AGMO: variants seen among roughly 807,000 people sequenced by gnomAD.
AGMO encodes glyceryl-ether monooxygenase.
A neutral mutation model predicts 60.2 loss-of-function variants in AGMO; 75 were observed. The ratio of observed to expected loss-of-function variants is 1.25; its 90% CI spans 1.03 to 1.51. The LOEUF is 1.51. AGMO is among the 40% of genes most tolerant of loss of function. The pLI, the probability that AGMO is intolerant of heterozygous loss-of-function variation, is 0.00. For missense variants in AGMO, 763 were observed against 525.5 expected (o/e 1.45, Z -4.42); for synonymous variants, 261 against 177.1 (o/e 1.47, Z -3.76).
Position 15,340,480 on chromosome 7 carries a change from C to T in AGMO, c.1263+25034G>A, listed in dbSNP as rs13242395. 1.2e-3 allele frequency among the ~76,000 whole-genome samples: 185 copies of T among 152,206 alleles called. No homozygotes were observed. In the Middle Eastern group the frequency reaches 0.02, roughly 17 times the overall value. ...ACTCCTGTCACAGGCCAGGAGGCCTCGGGGGGAACAATGGTTTCCTGGGCT... is the reference window on the plus strand; with the variant it reads ...ACTCCTGTCACAGGCCAGGAGGCCTTGGGGGGAACAATGGTTTCCTGGGCT... On this transcript the variant is annotated intron_variant, in intron 12 of 12. Coordinates refer to ENST00000342526, the MANE Select transcript of AGMO (RefSeq NM_001004320.2).
the AGMO span, among the ~76,000 whole-genome samples, chr7:15,138,500 A>G: frequency 1.3e-5 from 2 of 152,214 alleles, no homozygotes; most frequent in African/African-American, 2.4e-5. Flanking sequence ...GTTTAGTGAT[A>G]TAAAATAAGA....
At chr7:15,186,698 C>T in the AGMO span, among the ~76,000 whole-genome samples, 3 of 152,110 alleles carry the variant, frequency 2.0e-5, no homozygotes, top group Admixed American at 2.0e-4. Flanking sequence ...TCTTATATAA[C>T]CCAAAAGGTA....
intron 12 of AGMO, among the ~76,000 whole-genome samples, chr7:15,293,064 T>C (rs1784319033): frequency 1.3e-5 from 2 of 152,058 alleles, no homozygotes; most frequent in African/African-American, 4.8e-5. Context: ...CATCCGGCTC[T>C]TCCTCCAGTT....
At chr7:15,327,191 T>A (rs6972963) in intron 12 of AGMO, among the ~76,000 whole-genome samples, 1 of 152,004 alleles carries the variant, frequency 6.6e-6, no homozygotes, top group African/African-American at 2.4e-5. Context: ...TGCTGTTCTT[T>A]GGAAGAAATG....
intron 12 of AGMO, among the ~76,000 whole-genome samples, chr7:15,364,584 G>A (rs927414735): frequency 6.6e-6 from 1 of 151,904 alleles, no homozygotes; most frequent in African/African-American, 2.4e-5. Flanking sequence ...GAATAATATT[G>A]CATATACACC....
chr7:15,157,618 C>A, the AGMO span, among the ~76,000 whole-genome samples: 5 of 152,142 alleles, frequency 3.3e-5, no homozygotes, highest in African/African-American at 1.2e-4. Context: ...AGACTTATCC[C>A]AACTCATCTT....
chr7:15,397,244 C>T (rs551720115), intron 5 of AGMO, among the ~76,000 whole-genome samples: 15 of 152,216 alleles, frequency 9.9e-5, no homozygotes, highest in Middle Eastern at 3.4e-3. Flanking sequence ...CGGCGGTCCG[C>T]GCATGGTACC....
At chr7:15,168,425 C>A in the AGMO span, among the ~76,000 whole-genome samples, 1 of 152,210 alleles carries the variant, frequency 6.6e-6, no homozygotes, top group Non-Finnish European at 1.5e-5. Context: ...TCATGAGGCC[C>A]TAAGCTCACA....
chr7:15,229,732 TA>T (rs1205786117), intron 12 of AGMO, among the ~76,000 whole-genome samples: 9 of 146,534 alleles, frequency 6.1e-5, no homozygotes, highest in Admixed American at 5.5e-4. Context: ...ATATAAATTA[TA>T]TATTATAATA....
chr7:15,176,145 CTTAAT>C, the AGMO span, among the ~76,000 whole-genome samples: 2 of 151,938 alleles, frequency 1.3e-5, no homozygotes, highest in East Asian at 1.9e-4. Context: ...AAGATTTATA[CTTAAT>C]TTATCAAAAG....
intron 3 of AGMO, among the ~76,000 whole-genome samples, chr7:15,531,471 ATAT>A (rs1347190277): frequency 1.6e-5 from 1 of 60,676 alleles, no homozygotes; most frequent in Non-Finnish European, 2.8e-5. Flanking sequence ...TATTCTATAT[ATAT>A]TCTCTATATA....
intron 10 of AGMO, among the ~76,000 whole-genome samples, chr7:15,380,973 T>G (rs1389586753): frequency 6.6e-6 from 1 of 152,184 alleles, no homozygotes; most frequent in Admixed American, 6.5e-5. Context: ...GATAACTGCC[T>G]AGCCATATGC....
chr7:15,254,589 A>G (rs182744577), intron 12 of AGMO, among the ~76,000 whole-genome samples: 84 of 152,290 alleles, frequency 5.5e-4, no homozygotes, highest in African/African-American at 1.0e-3. Flanking sequence ...TTATTTTGCA[A>G]TTGAGATGCT....
intron 12 of AGMO, among the ~76,000 whole-genome samples, chr7:15,300,166 G>C (rs1282672645): frequency 6.6e-6 from 1 of 152,098 alleles, no homozygotes; most frequent in African/African-American, 2.4e-5. Context: ...AGCTAGGATT[G>C]GAACAAAGAG....
chr7:15,502,885 T>C (rs1583621214), intron 3 of AGMO, among the ~76,000 whole-genome samples: 1 of 152,144 alleles, frequency 6.6e-6, no homozygotes, highest in East Asian at 1.9e-4. Context: ...TGCAGTTCCA[T>C]CCTGTTTTAG....
Position 15,366,223 on chromosome 7 carries a change from C to T in AGMO, c.1075-1G>A. ...GAAGGAGAGTAACTTGCGACAGTGC[C>T]TGTCAAACAAACACGGAGATCAATG... On this transcript the variant is annotated splice_acceptor_variant, in intron 10 of 12. Transcript: ENST00000342526. LOFTEE classifies it high-confidence loss of function. The T allele has an allele frequency of 5.0e-6, 8 of 1,600,508 alleles. No individual in the cohort carries two copies. Among genetic ancestry groups the T allele is most frequent in the Non-Finnish European group, 6.8e-6 (8 of 1,172,464 alleles).
At chr7:15,448,382 G>A (rs565741779) in intron 3 of AGMO, among the ~76,000 whole-genome samples, 60 of 152,276 alleles carry the variant, frequency 3.9e-4, no homozygotes, top group African/African-American at 1.3e-3. Context: ...ACCAGGAAGT[G>A]GGCCCTTACT....
chr7:15,371,227 T>C (rs1225886464), intron 10 of AGMO, among the ~76,000 whole-genome samples: 1 of 151,896 alleles, frequency 6.6e-6, no homozygotes, highest in African/African-American at 2.4e-5. Flanking sequence ...CAATGTTTTA[T>C]TTTATTTTTG....
At chr7:15,230,338 G>A (rs999348574) in intron 12 of AGMO, among the ~76,000 whole-genome samples, 1 of 151,724 alleles carries the variant, frequency 6.6e-6, no homozygotes, top group Non-Finnish European at 1.5e-5. Flanking sequence ...CAAAATTTAA[G>A]GTAAAAAAAA....
Sources: gnomAD v4.1 joint callset for allele counts (sites outside exome capture counted in the v4.1 genomes callset) on GRCh38, gnomAD v4.1.1 for gene constraint, MANE v1.5 for transcripts, NCBI Gene and HGNC (gene_info 2026-07-23, HGNC 2026-07-21) for gene names.